Variants in ANKS1B observed in about 807,000 individuals in gnomAD.
ANKS1B encodes the protein ankyrin repeat and sterile alpha motif domain-containing protein 1B.
A neutral mutation model predicts 148.3 loss-of-function variants in ANKS1B; 36 were observed. The observed-to-expected ratio is 0.24, with a 90% CI of 0.19 to 0.32. The LOEUF (loss-of-function observed/expected upper bound fraction) is 0.32. Ranked by LOEUF, ANKS1B falls within the 10% of genes least tolerant of loss-of-function variation. The pLI is 1.00. For missense variants in ANKS1B, 1,157 were observed against 1,542.6 expected (o/e 0.75, Z 4.19); for synonymous variants, 542 against 560.8 (o/e 0.97, Z 0.47).
intron 15 of ANKS1B, among the ~76,000 whole-genome samples, chr12:99,141,825 A>G (rs1018236784): frequency 2.6e-5 from 4 of 151,966 alleles, no homozygotes; most frequent in African/African-American, 9.7e-5. Context: ...TTTCCAGTCT[A>G]TCATTGATAG....
chr12:99,203,877 T>C (rs903268096), intron 14 of ANKS1B, among the ~76,000 whole-genome samples: 2 of 152,218 alleles, frequency 1.3e-5, no homozygotes, highest in African/African-American at 4.8e-5. Context: ...GTTTACAATC[T>C]GAAGTCAGGC....
chr12:99,498,576 T>C (rs1044279644), intron 10 of ANKS1B, among the ~76,000 whole-genome samples: 1 of 152,204 alleles, frequency 6.6e-6, no homozygotes, highest in Non-Finnish European at 1.5e-5. Flanking sequence ...GCTTATCTTG[T>C]TCATTGCCCT....
At chr12:99,645,288 G>T (rs769038687) in intron 9 of ANKS1B, among the ~76,000 whole-genome samples, 18 of 152,106 alleles carry the variant, frequency 1.2e-4, no homozygotes, top group Non-Finnish European at 1.9e-4. Flanking sequence ...AAAGTTTTGG[G>T]AAGACGAAAT....
At chr12:99,522,190 G>T (rs1212974958) in intron 9 of ANKS1B, among the ~76,000 whole-genome samples, 1 of 152,094 alleles carries the variant, frequency 6.6e-6, no homozygotes, top group African/African-American at 2.4e-5. Context: ...TACAATAGTA[G>T]CAGGCCTAGG....
At chr12:99,506,279 G>A (rs2096711147) in intron 9 of ANKS1B, among the ~76,000 whole-genome samples, 1 of 151,888 alleles carries the variant, frequency 6.6e-6, no homozygotes, top group Non-Finnish European at 1.5e-5. Context: ...ATCTCCCTAA[G>A]TATATTCTAG....
intron 17 of ANKS1B, among the ~76,000 whole-genome samples, chr12:98,958,358 C>T (rs2099865856): frequency 1.3e-5 from 2 of 152,198 alleles, no homozygotes; most frequent in Non-Finnish European, 2.9e-5. Flanking sequence ...CAGCACACAG[C>T]AATATATCTT....
chr12:98,986,048 T>G (rs1344710205), intron 17 of ANKS1B, among the ~76,000 whole-genome samples: 1 of 152,206 alleles, frequency 6.6e-6, no homozygotes, highest in East Asian at 1.9e-4. Flanking sequence ...TTTAAAATGC[T>G]ATTCCATTGT....
At chr12:99,700,198 G>C (rs1341027185) in intron 8 of ANKS1B, among the ~76,000 whole-genome samples, 1 of 152,110 alleles carries the variant, frequency 6.6e-6, no homozygotes, top group Non-Finnish European at 1.5e-5. Flanking sequence ...CTTCACAAAA[G>C]AGGCATCCCT....
At chr12:99,941,669 T>C (rs1488732) in intron 1 of ANKS1B, among the ~76,000 whole-genome samples, 91,642 of 151,900 alleles carry the variant, frequency 0.6, 28,763 homozygotes, top group Middle Eastern at 0.7. Context: ...AAAAACTGAT[T>C]GAAAACTGAT....
intron 13 of ANKS1B, 109 bp downstream of exon 13, chr12:99,246,166 C>CTTTTTTTTTT: frequency 1.4e-6 from 1 of 720,046 alleles, no homozygotes; most frequent in African/African-American, 1.8e-5. Context: ...GAGCCGTATG[C>CTTTTTTTTTT]TTTTTTTTTT....
intron 4 of ANKS1B, among the ~76,000 whole-genome samples, chr12:99,795,796 T>A (rs957744845): frequency 1.3e-5 from 2 of 152,012 alleles, no homozygotes; most frequent in African/African-American, 4.8e-5. Context: ...TCTGTTCATG[T>A]CTTCCATCCA....
At chr12:99,516,834 AT>A (rs1404913930) in intron 9 of ANKS1B, among the ~76,000 whole-genome samples, 4 of 151,598 alleles carry the variant, frequency 2.6e-5, no homozygotes, top group African/African-American at 9.7e-5. Context: ...AGATGTGTGG[AT>A]TTGTTTCTGT....
chr12:98,761,161 A>G (rs1675386025), intron 25 of ANKS1B, among the ~76,000 whole-genome samples: 1 of 152,188 alleles, frequency 6.6e-6, no homozygotes, highest in South Asian at 2.1e-4. Context: ...CAGATTAGCC[A>G]GTGTTTCATG....
At chr12:99,396,654 T>G (rs1696255944) in intron 12 of ANKS1B, among the ~76,000 whole-genome samples, 1 of 152,152 alleles carries the variant, frequency 6.6e-6, no homozygotes, top group Non-Finnish European at 1.5e-5. Flanking sequence ...CAAAATGTGT[T>G]TGTTCTGATC....
At chr12:99,391,751 C>T (rs2094079744) in intron 12 of ANKS1B, among the ~76,000 whole-genome samples, 1 of 152,164 alleles carries the variant, frequency 6.6e-6, no homozygotes, top group African/African-American at 2.4e-5. Context: ...TTTTCTTCAT[C>T]AAGCATCTCG....
rs562910427 is a variant in ANKS1B at position 99,700,084 on chromosome 12, G to C, written c.1129-44874C>G. Among the ~76,000 whole-genome samples, 50 of 152,164 alleles carry C rather than the reference G, an allele frequency of 3.3e-4. 1 individual carries two copies. Among genetic ancestry groups the C allele is most frequent in the African/African-American group, 1.2e-3 (50 of 41,528 alleles). On this transcript the variant is annotated intron_variant, in intron 8 of 26. Coordinates refer to ENST00000683438, the MANE Select transcript of ANKS1B (RefSeq NM_001352186.2). ...TTAATGTATTTGTGAGTTTACCAAG[G>C]TTTGCACAGAAGACAACTTTTAAAA...
At chr12:99,648,519 A>G (rs1167070612) in intron 9 of ANKS1B, 8 of 1,614,070 alleles carry the variant, frequency 5.0e-6, no homozygotes, top group South Asian at 1.1e-5. Context: ...CAGAGATCTT[A>G]GAACTAACCA....
intron 22 of ANKS1B, among the ~76,000 whole-genome samples, chr12:98,783,743 T>C (rs560765877): frequency 1.7e-4 from 26 of 152,176 alleles, no homozygotes; most frequent in African/African-American, 5.8e-4. Context: ...ATGAGAGTGG[T>C]AGAGTAGGTT....
intron 17 of ANKS1B, among the ~76,000 whole-genome samples, chr12:99,008,888 C>G (rs1598391206): frequency 6.6e-6 from 1 of 152,110 alleles, no homozygotes; most frequent in African/African-American, 2.4e-5. Context: ...CTGGTGCTTT[C>G]AAGTTCAGGG....
Sources: allele counts gnomAD v4.1 joint callset (sites outside exome capture counted in the v4.1 genomes callset), GRCh38; gene constraint gnomAD v4.1.1; transcripts MANE v1.5; gene names NCBI Gene and HGNC (gene_info 2026-07-23, HGNC 2026-07-21).